Variants in NRSN1 observed in about 807,000 individuals in gnomAD.
NRSN1 encodes the protein neurensin 1.
Under a neutral mutation model 17.3 loss-of-function variants are expected in NRSN1, and 14 were observed. The ratio of observed to expected loss-of-function variants is 0.81; its 90% CI spans 0.54 to 1.27. The LOEUF is 1.27. Among genes scored for constraint, NRSN1 ranks in the 50% most tolerant of loss-of-function variants. The pLI is 0.00. For synonymous variants in NRSN1, 79 were observed against 94.2 expected (o/e 0.84, Z 0.93); for missense variants, 209 against 235.9 (o/e 0.89, Z 0.75).
chr6:24,141,660 A>ATCTAT (rs1355659492), intron 3 of NRSN1: 6 of 152,400 alleles, frequency 3.9e-5, no homozygotes, highest in African/African-American at 1.4e-4. Context: ...GAATTCTGCC[A>ATCTAT]TCTGAAAGCC....
In NRSN1 at chr6:24,145,045, A is replaced by C. The variant is rs1186652257; in HGVS notation, c.190-503A>C. Reference sequence around the variant, plus strand: ...ATCTACTTTTAGATATATGATATATATTATATATAATATATATCTTTAGGT... The same window carrying C: ...ATCTACTTTTAGATATATGATATATCTTATATATAATATATATCTTTAGGT... On this transcript the variant is annotated intron_variant, in intron 3 of 3. Coordinates refer to ENST00000378491, the MANE Select transcript of NRSN1 (RefSeq NM_080723.5). The surrounding 1 kb of genome is among the most constrained non-coding windows in gnomAD (Gnocchi z 4.4). Among the ~76,000 whole-genome samples the C allele has an allele frequency of 7.0e-6, 1 of 142,328 alleles. No homozygotes were observed. The highest frequency in any genetic ancestry group is 1.5e-5 in the Non-Finnish European group (1 of 65,410). The allele number at this position is 142,328 out of a possible 152,430, so 93.4% of individuals were successfully genotyped here.
At chr6:24,139,167 A>G (rs1760160511) in intron 3 of NRSN1, among the ~76,000 whole-genome samples, 2 of 152,124 alleles carry the variant, frequency 1.3e-5, no homozygotes, top group Admixed American at 6.5e-5. Context: ...TTTCAACTTT[A>G]TTAGATTCCA....
Position 24,130,056 on chromosome 6 carries a change from C to T in NRSN1, c.-10+1856C>T, listed in dbSNP as rs192568095. Among the ~76,000 whole-genome samples the T allele has an allele frequency of 2.2e-4, 33 of 152,298 alleles. 1 individual carries two copies. In the East Asian group the frequency reaches 4.1e-3, roughly 19 times the overall value. ...TATAATACTAAAGAGTGTGTTTACT[C>T]ATCCCCTCTATCCATGTACCTCCTG... is the stretch of plus-strand genomic sequence containing the variant. On this transcript the variant is annotated intron_variant, in intron 2 of 3. Transcript: ENST00000378491.
intron 3 of NRSN1, among the ~76,000 whole-genome samples, chr6:24,138,600 G>A (rs541445141): frequency 6.6e-6 from 1 of 152,222 alleles, no homozygotes; most frequent in Non-Finnish European, 1.5e-5. Context: ...ATTTAATGGC[G>A]ATGTGCAGGT....
Position 24,145,692 on chromosome 6 carries a change from C to A in NRSN1, c.334C>A (p.Leu112Met). ...ACATGCTGTCCAGTTTAACAGTGCT[C>A]TGGACATGTACAAGCTGGCAGGAGC... ...DTHAVQFNSA[L>M]DMYKLAGAVL... The change falls in exon 4 of 4, where the codon CTG becomes ATG. Residue 112 changes from leucine (L) to methionine (M), a missense_variant. Transcript: ENST00000378491. This position sits in a 1 kb window ranked among gnomAD's most constrained non-coding sequence, Gnocchi z 4.4. 1 of 1,614,190 alleles carries A rather than the reference C, an allele frequency of 6.2e-7. No homozygotes were observed. The highest frequency in any genetic ancestry group is 8.5e-7 in the Non-Finnish European group (1 of 1,180,024).
intron 2 of NRSN1, among the ~76,000 whole-genome samples, chr6:24,132,482 T>G (rs1760049888): frequency 6.6e-6 from 1 of 152,230 alleles, no homozygotes; most frequent in South Asian, 2.1e-4. Context: ...AAAATAACCT[T>G]CTATGTTGTT....
At position 24,145,660 on chromosome 6, in the gene NRSN1, T is replaced by C; in HGVS notation, c.302T>C (p.Val101Ala). ...EAFGEADFVV[V>A]DTHAVQFNSA... ...TTTGGCGAAGCCGATTTTGTGGTGG[T>C]CGACACACATGCTGTCCAGTTTAAC... The change falls in exon 4 of 4, where the codon GTC (valine) becomes GCC (alanine). Residue 101 changes from valine to alanine, a missense_variant. Coordinates refer to ENST00000378491, the MANE Select transcript of NRSN1 (RefSeq NM_080723.5). The surrounding 1 kb of genome is among the most constrained non-coding windows in gnomAD (Gnocchi z 4.4). 1 of 1,614,102 alleles carries C rather than the reference T, an allele frequency of 6.2e-7. No individual in the cohort carries two copies. The highest frequency in any genetic ancestry group is 2.2e-5 in the East Asian group (1 of 44,872).
rs553193538 is a variant in NRSN1 at position 24,140,822 on chromosome 6, T to C, written c.190-4726T>C. On this transcript the variant is annotated intron_variant, in intron 3 of 3. Transcript: ENST00000378491. ...AGCTCACTGGGAAACAATGAAAGGA[T>C]GTTGGTCAAAATAACAGCAGTCTCT... 6.1e-5 allele frequency: 77 copies of C among 1,259,838 alleles called. No homozygotes were observed. In the East Asian group the frequency reaches 2.4e-3, roughly 39 times the overall value. The allele number at this position is 1,259,838 out of a possible 1,614,324, so 78.0% of individuals were successfully genotyped here.
chr6:24,134,239 C>A, intron 2 of NRSN1, 80 bp from the exon 3 acceptor site: 3 of 1,136,656 alleles, frequency 2.6e-6, no homozygotes, highest in South Asian at 1.5e-5. Flanking sequence ...ATTACTCAGT[C>A]TGGTTCTTAC....
chr6:24,140,631 T>C (rs1760188743), intron 3 of NRSN1, among the ~76,000 whole-genome samples: 1 of 152,226 alleles, frequency 6.6e-6, no homozygotes, highest in African/African-American at 2.4e-5. Flanking sequence ...GATGGCGCCT[T>C]GCACATGCAG....
chr6:24,142,987 T>A (rs1261043939), intron 3 of NRSN1, among the ~76,000 whole-genome samples: 1 of 150,264 alleles, frequency 6.7e-6, no homozygotes, highest in Non-Finnish European at 1.5e-5. Flanking sequence ...ATTGGTGCAT[T>A]TACAAACCCT....
chr6:24,127,621 A>G (rs927912639), intron 1 of NRSN1, among the ~76,000 whole-genome samples: 1 of 152,244 alleles, frequency 6.6e-6, no homozygotes, highest in Non-Finnish European at 1.5e-5. Flanking sequence ...AGTAAAACTC[A>G]GCCTAATAAG....
In NRSN1 at chr6:24,146,550, G is replaced by T. The variant is rs1461958621; in HGVS notation, c.*604G>T. On this transcript the variant is annotated 3_prime_UTR_variant, in exon 4 of 4. Coordinates refer to ENST00000378491, the MANE Select transcript of NRSN1 (RefSeq NM_080723.5). Reference sequence around the variant, plus strand: ...CTTTGAGATGAAGTGCTGTTCTTTTGCCTAGGTTGGAGTACAGCGGTGAAA... The same window carrying T: ...CTTTGAGATGAAGTGCTGTTCTTTTTCCTAGGTTGGAGTACAGCGGTGAAA... 13 of 331,668 alleles carry T rather than the reference G, an allele frequency of 3.9e-5. No individual in the cohort carries two copies. The highest frequency in any genetic ancestry group is 3.2e-4 in the South Asian group (13 of 40,990). 20.5% of individuals were successfully genotyped at this position (331,668 alleles called of 1,614,324 possible). A position where few individuals can be genotyped will look rare whatever the true frequency, so the allele number is the denominator to read the frequency against.
chr6:24,139,783 G>A (rs1183870579), intron 3 of NRSN1, among the ~76,000 whole-genome samples: 1 of 152,204 alleles, frequency 6.6e-6, no homozygotes, highest in African/African-American at 2.4e-5. Context: ...TGAACCAGAC[G>A]TGGTGGTGTG....
In NRSN1 at chr6:24,128,461, C is replaced by T. The variant is rs191178309; in HGVS notation, c.-10+261C>T. ...GTATTTTAATAACTCAATATAAAGC[C>T]ACAATCTCTACCACTGTTTCAGAAA... is the stretch of plus-strand genomic sequence containing the variant. On this transcript the variant is annotated intron_variant, in intron 2 of 3. Transcript: ENST00000378491. Among the ~76,000 whole-genome samples the T allele has an allele frequency of 7.0e-3, 1,073 of 152,292 alleles. 5 individuals are homozygous for T. The highest frequency in any genetic ancestry group is 0.02 in the Middle Eastern group (6 of 294).
At chr6:24,141,905 T>C (rs1227323524) in intron 3 of NRSN1, among the ~76,000 whole-genome samples, 1 of 152,182 alleles carries the variant, frequency 6.6e-6, no homozygotes, top group African/African-American at 2.4e-5. Flanking sequence ...TCTCAGAAAC[T>C]AAGATAACTT....
chr6:24,145,262 T>C lies in NRSN1; in HGVS notation c.190-286T>C, dbSNP rs1379768640. Among the ~76,000 whole-genome samples, 1 of 147,292 alleles carries C rather than the reference T, an allele frequency of 6.8e-6. No individual in the cohort carries two copies. The highest frequency in any genetic ancestry group is 2.5e-5 in the African/African-American group (1 of 40,548). ...AGATAATATAAAGATTATATATATA[T>C]CTTTAGATATACAATATATGTATAT... On this transcript the variant is annotated intron_variant, in intron 3 of 3. Transcript: ENST00000378491. This position sits in a 1 kb window ranked among gnomAD's most constrained non-coding sequence, Gnocchi z 4.4.
At chr6:24,133,110 G>A (rs909470408) in intron 2 of NRSN1, among the ~76,000 whole-genome samples, 1 of 151,962 alleles carries the variant, frequency 6.6e-6, no homozygotes, top group African/African-American at 2.4e-5. Context: ...GTATCAATTA[G>A]GTCAAATAAA....
intron 2 of NRSN1, among the ~76,000 whole-genome samples, chr6:24,134,005 TG>T (rs933305928): frequency 6.4e-4 from 2 of 3,116 alleles, no homozygotes; most frequent in African/African-American, 1.4e-3. Flanking sequence ...CCCAGCTAAT[TG>T]TGTGTGTGTG....
Sources: allele counts gnomAD v4.1 joint callset (sites outside exome capture counted in the v4.1 genomes callset), GRCh38; gene constraint gnomAD v4.1.1; non-coding constraint Gnocchi (gnomAD v3.1); transcripts MANE v1.5; gene names NCBI Gene and HGNC (gene_info 2026-07-23, HGNC 2026-07-21).